MROH2A: variants seen among roughly 807,000 people sequenced by gnomAD.
The protein encoded by MROH2A is maestro heat like repeat family member 2A, also known as maestro heat-like repeat-containing protein family member 2A.
In MROH2A, 174 loss-of-function variants were observed where a neutral mutation model predicts 200.4. The ratio of observed to expected loss-of-function variants is 0.87; its 90% confidence interval spans 0.77 to 0.98. MROH2A has a LOEUF of 0.98. Among genes scored for constraint, MROH2A ranks in the 50% least tolerant of loss-of-function variants. The probability of loss-of-function intolerance (pLI) is 0.00; values close to 1 mark genes in which losing one functional copy is unlikely to be tolerated. For synonymous variants in MROH2A, 829 were observed against 840.4 expected, an observed-to-expected ratio of 0.99 and a Z score of 0.23; for missense variants, 2,045 against 2,139.6, an observed-to-expected ratio of 0.96 and a Z score of 0.87.
At chr2:233,798,956 G>A (rs1352187638) in intron 12 of MROH2A, 106 bp downstream of exon 12, 1 of 900,906 alleles carries the variant, frequency 1.1e-6, no homozygotes, top group African/African-American at 1.7e-5. Context: ...GGAAAACCCG[G>A]CTTTCCATCG....
Position 233,804,042 on chromosome 2 carries a change from G to A in MROH2A, c.1750-9G>A, listed in dbSNP as rs750323046. On this transcript the variant is annotated splice_polypyrimidine_tract_variant and intron_variant, in intron 16 of 41. Transcript: ENST00000389758. ...GGTGCTACTTCACTGGAGCCTTGGT[G>A]CCCTCCAGGTGCTGATGTCATCACC... 1.3e-6 allele frequency: 2 copies of A among 1,549,960 alleles called. No individual in the cohort carries two copies. The highest frequency in any genetic ancestry group is 1.7e-6 in the Non-Finnish European group (2 of 1,146,520).
intron 12 of MROH2A, among the ~76,000 whole-genome samples, chr2:233,799,239 G>A (rs747213424): frequency 2.6e-5 from 4 of 152,204 alleles, no homozygotes; most frequent in Non-Finnish European, 4.4e-5. Context: ...CTCCATGGCA[G>A]CCACATCCAC....
rs1255251154 is a variant in MROH2A, at chr2:233,833,178, G to A, written c.4944G>A (p.Arg1648=). The A allele has an allele frequency of 6.5e-7, 1 of 1,550,162 alleles. No homozygotes were observed. Reference sequence around the variant, plus strand: ...AGCTGGACCCGGATCCCGGGGTCAGGAGGGCAGCCCTGGAGACGCTCACAG... The same window carrying A: ...AGCTGGACCCGGATCCCGGGGTCAGAAGGGCAGCCCTGGAGACGCTCACAG... ...ELQLDPDPGV[R]RAALETLTVL... The change falls in exon 42 of 42, where the codon AGG becomes AGA. Residue 1648 remains arginine (R), a synonymous_variant. Coordinates refer to ENST00000389758, the MANE Select transcript of MROH2A (RefSeq NM_001394639.1).
chr2:233,795,058 A>G (rs1702017492), intron 8 of MROH2A, among the ~76,000 whole-genome samples: 1 of 152,184 alleles, frequency 6.6e-6, no homozygotes, highest in Non-Finnish European at 1.5e-5. Flanking sequence ...CCCAAAATCC[A>G]GGATGATCTC....
intron 24 of MROH2A, among the ~76,000 whole-genome samples, chr2:233,812,774 A>T (rs541659208): frequency 3.9e-5 from 6 of 152,316 alleles, no homozygotes; most frequent in Admixed American, 2.6e-4. Context: ...ACAAAAAAAA[A>T]GGGGCTACTA....
At position 233,819,925 on chromosome 2, in the gene MROH2A, C is replaced by T; in HGVS notation, c.3381C>T (p.Ile1127=). ...AGGTGGCCGAGATCCTGAGTGCCAT[C>T]CTGGTGCACCTGCCGGTGGTGGACC... The part of the protein sequence containing the change: ...EDKVAEILSA[I]LVHLPVVDHP... The change falls in exon 31 of 42, where the codon ATC becomes ATT. Residue 1127 remains isoleucine, a synonymous_variant. Coordinates refer to ENST00000389758, the MANE Select transcript of MROH2A (RefSeq NM_001394639.1). The T allele has an allele frequency of 6.5e-7, 1 of 1,526,902 alleles. No individual in the cohort carries two copies. Among genetic ancestry groups the T allele is most frequent in the Non-Finnish European group, 8.8e-7 (1 of 1,131,266 alleles). 94.6% of individuals were successfully genotyped at this position (1,526,902 alleles called of 1,614,324 possible).
At chr2:233,809,414 GC>G in intron 22 of MROH2A, 136 bp downstream of exon 22, 1 of 963,572 alleles carries the variant, frequency 1.0e-6, no homozygotes, top group Non-Finnish European at 1.5e-6. Context: ...CACGTGGGAA[GC>G]CCATTGCCCA....
At position 233,820,269 on chromosome 2, in the gene MROH2A, A is replaced by G. The variant is rs1181819204; in HGVS notation, c.3512+213A>G. 6.6e-6 allele frequency among the ~76,000 whole-genome samples: 1 copy of G among 151,908 alleles called. No individual in the cohort carries two copies. The highest frequency in any genetic ancestry group is 1.5e-5 in the Non-Finnish European group (1 of 68,010). On this transcript the variant is annotated intron_variant, in intron 31 of 41. Transcript: ENST00000389758. This position sits in a 1 kb window ranked among gnomAD's most constrained non-coding sequence, Gnocchi z 4.1. Reference sequence around the variant, plus strand: ...AGGCTTGTAGAACTTCGCCACATGGAGCTGGAATCTGGACCCGTAGCTCCC... The same window carrying G: ...AGGCTTGTAGAACTTCGCCACATGGGGCTGGAATCTGGACCCGTAGCTCCC...
At chr2:233,792,732 CT>C in intron 5 of MROH2A, 63 bp from the exon 6 acceptor site, 1 of 1,051,998 alleles carries the variant, frequency 9.5e-7, no homozygotes, top group South Asian at 1.4e-5. Context: ...GGGTTGTCCT[CT>C]CTGCCTTCTC....
At chr2:233,816,749 A>G (rs1703560000) in intron 26 of MROH2A, 32 bp from the exon 27 acceptor site, 1 of 1,475,510 alleles carries the variant, frequency 6.8e-7, no homozygotes, top group Non-Finnish European at 9.3e-7. Context: ...GGATTTTAAC[A>G]CCCACTTTGG....
intron 3 of MROH2A, among the ~76,000 whole-genome samples, chr2:233,781,713 G>GT (rs1700965809): frequency 6.6e-6 from 1 of 152,090 alleles, no homozygotes; most frequent in Non-Finnish European, 1.5e-5. Context: ...CTGTGCATAA[G>GT]TTTTTTGCTT....
At position 233,796,398 on chromosome 2, in the gene MROH2A, C is replaced by T. The variant is rs1225228864; in HGVS notation, c.1252+85C>T. 15 of 870,360 alleles carry T rather than the reference C, an allele frequency of 1.7e-5. No individual in the cohort carries two copies. In the East Asian group the frequency reaches 1.9e-4, roughly 11 times the overall value. 53.9% of individuals were successfully genotyped at this position (870,360 alleles called of 1,614,324 possible). A position where few individuals can be genotyped will look rare whatever the true frequency, so the allele number is the denominator to read the frequency against. ...AAGGGAGGCAAGTTTCATTCATGTTCGGGCATTGCCACTTCCTAGACACTA... is the reference window on the plus strand; with the variant it reads ...AAGGGAGGCAAGTTTCATTCATGTTTGGGCATTGCCACTTCCTAGACACTA... On this transcript the variant is annotated intron_variant, in intron 11 of 41. Transcript: ENST00000389758.
chr2:233,828,904 G>C lies in MROH2A; in HGVS notation c.4278G>C (p.Arg1426=). Residue 1426 remains arginine (R), a synonymous_variant, in exon 37 of 42, where the codon CGG becomes CGC. Transcript: ENST00000389758. This position sits in a 1 kb window ranked among gnomAD's most constrained non-coding sequence, Gnocchi z 4.6. ...LGAPKKVKQY[R]KVLLEKCLGP... ...TGCCCCTCCAGGTGAAGCAGTACCG[G>C]AAGGTCTTGCTGGAGAAGTGCCTGG... 6.4e-7 allele frequency: 1 copy of C among 1,550,488 alleles called. No homozygotes were observed. Among genetic ancestry groups the C allele is most frequent in the Non-Finnish European group, 8.7e-7 (1 of 1,146,980 alleles).
In MROH2A at chr2:233,822,941, T is replaced by A. The variant is rs1704046933; in HGVS notation, c.3927T>A (p.His1309Gln). The A allele has an allele frequency of 6.4e-7, 1 of 1,550,580 alleles. No individual in the cohort carries two copies. The highest frequency in any genetic ancestry group is 8.7e-7 in the Non-Finnish European group (1 of 1,146,966). The change falls in exon 34 of 42, where the codon CAT becomes CAA. Residue 1309 changes from histidine (H) to glutamine (Q), a missense_variant. Physicochemically the swap from His to Gln is conservative, Grantham distance 24. Transcript: ENST00000389758. ...GAGTCAAGAGCCAGCACCTGGCACATACCCTGGACGAGCAGGCAGTGTGGG... is the reference window on the plus strand; with the variant it reads ...GAGTCAAGAGCCAGCACCTGGCACAAACCCTGGACGAGCAGGCAGTGTGGG... ...FKRVKSQHLA[H>Q]TLDEQAVWDL... is the part of the protein sequence containing the mutation.
chr2:233,802,400 T>TC, intron 15 of MROH2A, 85 bp downstream of exon 15: 2 of 1,410,510 alleles, frequency 1.4e-6, no homozygotes, highest in Non-Finnish European at 1.9e-6. Flanking sequence ...TCCACATTCC[T>TC]CCCACCCTCA....
rs1177227252 is a variant in MROH2A, at chr2:233,807,438, G to A, written c.2068G>A (p.Ala690Thr). ...PSLEKGFLYR[A>T]LGFTLATGLE... ...GCCTCTCCAGGGCTTTCTGTACCGG[G>A]CCTTGGGCTTCACCTTGGCCACAGG... Residue 690 changes from alanine to threonine, a missense_variant, in exon 20 of 42, where the codon GCC becomes ACC. Physicochemically the swap from Ala to Thr is moderately conservative, Grantham distance 58 (BLOSUM62 0). Coordinates refer to ENST00000389758, the MANE Select transcript of MROH2A (RefSeq NM_001394639.1). The surrounding 1 kb of genome is among the most constrained non-coding windows in gnomAD (Gnocchi z 4.3). 1.9e-6 allele frequency: 3 copies of A among 1,550,532 alleles called. No homozygotes were observed. The highest frequency in any genetic ancestry group is 1.7e-4 in the Middle Eastern group (1 of 5,982).
At chr2:233,788,575 G>A (rs1428491411) in intron 3 of MROH2A, among the ~76,000 whole-genome samples, 1 of 152,096 alleles carries the variant, frequency 6.6e-6, no homozygotes, top group Non-Finnish European at 1.5e-5. Flanking sequence ...CACCAGAGGA[G>A]GAAGGACATT....
chr2:233,827,996 T>C (rs527877159), intron 35 of MROH2A, among the ~76,000 whole-genome samples: 49 of 152,290 alleles, frequency 3.2e-4, no homozygotes, highest in African/African-American at 1.2e-3. Flanking sequence ...CTGATGTTGG[T>C]GTCTGGGACA....
upstream of MROH2A, among the ~76,000 whole-genome samples, chr2:233,776,881 T>G (rs7586006): frequency 0.15 from 23,170 of 152,118 alleles, 1,848 homozygotes; most frequent in East Asian, 0.21. Context: ...GTTTCAAGTC[T>G]AGGCCTCAAG....
Sources: gnomAD v4.1 joint callset for allele counts (sites outside exome capture counted in the v4.1 genomes callset) on GRCh38, gnomAD v4.1.1 for gene constraint, Gnocchi (gnomAD v3.1) non-coding constraint, MANE v1.5 for transcripts, NCBI Gene and HGNC (gene_info 2026-07-23, HGNC 2026-07-21) for gene names.